Variants in C16orf74 observed in about 807,000 individuals in gnomAD.
The protein encoded by C16orf74 is calcimembrin, also known as uncharacterized protein C16orf74.
Under a neutral mutation model 6.5 loss-of-function variants are expected in C16orf74, and 10 were observed. The observed-to-expected ratio is 1.54, with a 90% CI of 0.95 to 2.61. The LOEUF is 2.61. C16orf74 is among the 30% of genes most tolerant of loss of function. The probability of loss-of-function intolerance (pLI) is 0.00; values close to 1 mark genes in which losing one functional copy is unlikely to be tolerated. For synonymous variants in C16orf74, 60 were observed against 42.5 expected, an observed-to-expected ratio of 1.41 and a Z score of -1.60; for missense variants, 141 against 105.9, an observed-to-expected ratio of 1.33 and a Z score of -1.45.
chr16:85,750,623 G>A (rs754220141), intron 1 of C16orf74, among the ~76,000 whole-genome samples: 1 of 152,240 alleles, frequency 6.6e-6, no homozygotes, highest in Non-Finnish European at 1.5e-5. Context: ...GTGACGGCGC[G>A]GGGTGGCCTG....
At chr16:85,723,697 G>T (rs528448413) in intron 2 of C16orf74, among the ~76,000 whole-genome samples, 1 of 152,246 alleles carries the variant, frequency 6.6e-6, no homozygotes, top group East Asian at 1.9e-4. Context: ...TCCTGCTTGG[G>T]CAAGGCAGGC....
intron 1 of C16orf74, chr16:85,741,610 T>C (rs1451291715): frequency 2.3e-5 from 4 of 170,490 alleles, no homozygotes; most frequent in Admixed American, 6.5e-5. Context: ...TCTCCCACAG[T>C]GTCCCTGAAC....
chr16:85,728,203 A>G (rs752943504), intron 2 of C16orf74, among the ~76,000 whole-genome samples: 12 of 152,112 alleles, frequency 7.9e-5, no homozygotes, highest in Non-Finnish European at 1.5e-4. Context: ...ATAACAATGG[A>G]TTTGTATTGA....
chr16:85,717,162 C>T (rs1001448103), intron 2 of C16orf74, among the ~76,000 whole-genome samples: 1 of 152,234 alleles, frequency 6.6e-6, no homozygotes, highest in Non-Finnish European at 1.5e-5. Context: ...AGAACCCAGG[C>T]CCCTGGAGCT....
chr16:85,740,824 C>A (rs558285392), intron 1 of C16orf74, among the ~76,000 whole-genome samples: 1 of 4,846 alleles, frequency 2.1e-4, no homozygotes, highest in Non-Finnish European at 2.0e-3. Flanking sequence ...AGAGTGAGAC[C>A]CTCAAAAAAA....
intron 2 of C16orf74, among the ~76,000 whole-genome samples, chr16:85,733,591 T>C (rs1311908925): frequency 3.3e-5 from 5 of 152,220 alleles, no homozygotes; most frequent in African/African-American, 1.2e-4. Flanking sequence ...GTATCCTCAA[T>C]GCCTACTTTG....
intron 2 of C16orf74, among the ~76,000 whole-genome samples, chr16:85,712,183 G>A (rs941268486): frequency 6.6e-6 from 1 of 152,204 alleles, no homozygotes; most frequent in African/African-American, 2.4e-5. Flanking sequence ...CAGCAGTGGA[G>A]CCTCCAGCCC....
At chr16:85,724,538 C>G (rs149995603) in intron 2 of C16orf74, among the ~76,000 whole-genome samples, 1 of 152,122 alleles carries the variant, frequency 6.6e-6, no homozygotes, top group African/African-American at 2.4e-5. Flanking sequence ...AGCACGGAAG[C>G]CTTGCTGTGC....
chr16:85,707,855 GCTGGTC>G lies in C16orf74; in HGVS notation c.*147_*152del. On this transcript the variant is annotated 3_prime_UTR_variant, in exon 4 of 4. Transcript: ENST00000284245. Reference sequence around the variant, plus strand: ...TGGAAGTGGACAGGCTGGATTCCTCGCTGGTCCTGCCACGTCTCTCTGAGCGGAGGC... The same window carrying G: ...TGGAAGTGGACAGGCTGGATTCCTCGCTGCCACGTCTCTCTGAGCGGAGGC... 1.6e-6 allele frequency: 1 copy of G among 640,272 alleles called. No homozygotes were observed. The highest frequency in any genetic ancestry group is 2.7e-6 in the Non-Finnish European group (1 of 366,528). 39.7% of individuals were successfully genotyped at this position (640,272 alleles called of 1,614,324 possible).
At chr16:85,716,748 G>A (rs1428455351) in intron 2 of C16orf74, among the ~76,000 whole-genome samples, 1 of 151,882 alleles carries the variant, frequency 6.6e-6, no homozygotes, top group African/African-American at 2.4e-5. Flanking sequence ...AGACACCCCA[G>A]CCCCTCTCAC....
At chr16:85,746,002 G>C (rs1018535615) in intron 1 of C16orf74, among the ~76,000 whole-genome samples, 2 of 152,218 alleles carry the variant, frequency 1.3e-5, no homozygotes, top group African/African-American at 4.8e-5. Context: ...AGGATGCCCA[G>C]TTATTGCATG....
chr16:85,708,164 C>G (rs2053932235), intron 3 of C16orf74, 98 bp from the exon 4 acceptor site: 2 of 1,052,054 alleles, frequency 1.9e-6, no homozygotes, highest in Non-Finnish European at 2.8e-6. Context: ...TCTGGGATTC[C>G]TTGCTTTCTG....
chr16:85,733,525 C>T (rs2054212991), intron 2 of C16orf74, among the ~76,000 whole-genome samples: 1 of 152,150 alleles, frequency 6.6e-6, no homozygotes, highest in African/African-American at 2.4e-5. Context: ...ACCTTGTACA[C>T]TTCATGGTTA....
At chr16:85,732,968 C>T (rs560618684) in intron 2 of C16orf74, among the ~76,000 whole-genome samples, 2 of 152,206 alleles carry the variant, frequency 1.3e-5, no homozygotes, top group Middle Eastern at 3.4e-3. Context: ...CGTGAGGGGC[C>T]GAGGGTGGGT....
chr16:85,732,549 C>T (rs1289194934), intron 2 of C16orf74, among the ~76,000 whole-genome samples: 1 of 151,558 alleles, frequency 6.6e-6, no homozygotes, highest in Non-Finnish European at 1.5e-5. Flanking sequence ...GCCTGTAATC[C>T]CAGCTACTCA....
chr16:85,721,619 C>T (rs2054083595), intron 2 of C16orf74, among the ~76,000 whole-genome samples: 1 of 152,180 alleles, frequency 6.6e-6, no homozygotes, highest in Non-Finnish European at 1.5e-5. Context: ...TATTTTCCTC[C>T]TCAATCTGGC....
rs552038983 is a variant in C16orf74, at chr16:85,733,073, G to T, written c.28+2117C>A. Among the ~76,000 whole-genome samples the T allele has an allele frequency of 2.6e-5, 4 of 152,268 alleles. No individual in the cohort carries two copies. In the East Asian group the frequency reaches 5.8e-4, roughly 22 times the overall value. On this transcript the variant is annotated intron_variant, in intron 2 of 3. Transcript: ENST00000284245. The stretch of plus-strand genomic sequence containing the variant: ...CCCGGCCTTGGGCTGGAAGAAAAGT[G>T]GTCCCAGAGATACCTCCAGGGGCCT...
At chr16:85,721,751 T>C (rs952625922) in intron 2 of C16orf74, among the ~76,000 whole-genome samples, 2 of 152,206 alleles carry the variant, frequency 1.3e-5, no homozygotes, top group Non-Finnish European at 2.9e-5. Flanking sequence ...ACTCCTGGCA[T>C]GGAGCTGCTG....
chr16:85,724,055 G>A (rs1241917968), intron 2 of C16orf74, among the ~76,000 whole-genome samples: 1 of 151,980 alleles, frequency 6.6e-6, no homozygotes, highest in Non-Finnish European at 1.5e-5. Context: ...GCCCAGGCTG[G>A]AATGCAGTGG....
Sources: allele counts gnomAD v4.1 joint callset (sites outside exome capture counted in the v4.1 genomes callset), GRCh38; gene constraint gnomAD v4.1.1; transcripts MANE v1.5; gene names NCBI Gene and HGNC (gene_info 2026-07-23, HGNC 2026-07-21).